Variants in DAB2IP observed in about 807,000 individuals in gnomAD.
DAB2IP encodes the protein disabled homolog 2-interacting protein.
DAB2IP carries 28 observed loss-of-function variants against 107.2 expected under a neutral mutation model. The ratio of observed to expected loss-of-function variants is 0.26; its 90% CI spans 0.19 to 0.36. The LOEUF is 0.36. DAB2IP is among the 10% of genes least tolerant of loss of function. The probability of loss-of-function intolerance (pLI) is 1.00; values close to 1 mark genes in which losing one functional copy is unlikely to be tolerated. For missense variants in DAB2IP, 1,400 were observed against 1,644.7 expected (o/e 0.85, Z 2.57); for synonymous variants, 755 against 706.4 (o/e 1.07, Z -1.09).
chr9:121,608,902 C>T, intron 1 of DAB2IP, among the ~76,000 whole-genome samples: 1 of 152,162 alleles, frequency 6.6e-6, no homozygotes, highest in East Asian at 1.9e-4. Flanking sequence ...AAGTCTGTAA[C>T]TAGGTTTCTC....
chr9:121,675,359 A>T (rs747221068), intron 1 of DAB2IP, among the ~76,000 whole-genome samples: 12 of 152,186 alleles, frequency 7.9e-5, no homozygotes, highest in Non-Finnish European at 1.5e-4. Context: ...CAAGAACAGA[A>T]GCCAGAGAGT....
exon 16 of DAB2IP, chr9:121,783,762 C>G (rs1298153976): frequency 7.8e-6 from 5 of 643,978 alleles, no homozygotes; most frequent in Non-Finnish European, 1.3e-5. Context: ...GAGGGGCGCA[C>G]CCCACAGCTG....
rs147728597 is a variant in DAB2IP, at chr9:121,701,999, G to A, written c.362+2541G>A. Among the ~76,000 whole-genome samples the A allele has an allele frequency of 2.6e-5, 4 of 152,330 alleles. No individual in the cohort carries two copies. Among genetic ancestry groups the A allele is most frequent in the Non-Finnish European group, 4.4e-5 (3 of 68,026 alleles). On this transcript the variant is annotated intron_variant, in intron 3 of 15. Transcript: ENST00000408936. The surrounding 1 kb of genome is among the most constrained non-coding windows in gnomAD (Gnocchi z 4.7). ...GCCTCAGTGAGTGGGTGGGACACGA[G>A]TGGGAAGGACGGTGGGGGCTTCTAG...
rs1333811342 is a variant in DAB2IP at position 121,766,346 on chromosome 9, G to C, written c.1461-148G>C. 6 of 702,016 alleles carry C rather than the reference G, an allele frequency of 8.5e-6. No individual in the cohort carries two copies. In the African/African-American group the frequency reaches 1.1e-4, roughly 12 times the overall value. The allele number at this position is 702,016 out of a possible 1,614,324, so 43.5% of individuals were successfully genotyped here. A position where few individuals can be genotyped will look rare whatever the true frequency, so the allele number is the denominator to read the frequency against. On this transcript the variant is annotated intron_variant, in intron 8 of 15. Transcript: ENST00000408936. ...CCTGTATTGACTGCTCTCCCCAGAT[G>C]GCTGTGTCCTCAGAGCTCAGACAGC...
At chr9:121,751,580 A>AC (rs1423916446) in intron 3 of DAB2IP, 1 of 152,338 alleles carries the variant, frequency 6.6e-6, no homozygotes, top group Non-Finnish European at 1.5e-5. Context: ...TTGGACATGG[A>AC]CCCCTGGAGG....
intron 11 of DAB2IP, 80 bp downstream of exon 11, chr9:121,770,804 A>C: frequency 6.5e-7 from 1 of 1,538,176 alleles, no homozygotes; most frequent in Non-Finnish European, 8.8e-7. Flanking sequence ...CAGATGGGGA[A>C]AGAGGATGCC....
chr9:121,641,995 T>TCTCTCTCTCTCTCTCTCTC (rs1832337279), intron 1 of DAB2IP, among the ~76,000 whole-genome samples: 1 of 34,984 alleles, frequency 2.9e-5, no homozygotes. Context: ...TTTCTTTCCT[T>TCTCTCTCTCTCTCTCTCTC]TCTCTCTCTC....
chr9:121,709,583 A>AC, intron 3 of DAB2IP, among the ~76,000 whole-genome samples: 1 of 152,300 alleles, frequency 6.6e-6, no homozygotes, highest in South Asian at 2.1e-4. Context: ...GCTGGGTTTC[A>AC]AACCCAGGCG....
chr9:121,782,593 C>G lies in DAB2IP; in HGVS notation c.*95C>G, dbSNP rs1367846912. 5.2e-6 allele frequency: 8 copies of G among 1,544,964 alleles called. No homozygotes were observed. In the East Asian group the frequency reaches 1.8e-4, roughly 35 times the overall value. On this transcript the variant is annotated 3_prime_UTR_variant, in exon 16 of 16. Transcript: ENST00000408936. This position sits in a 1 kb window ranked among gnomAD's most constrained non-coding sequence, Gnocchi z 6.1. Reference sequence around the variant, plus strand: ...TGGGGAGGCACCCACGGTTGCAGCCCCAGCGCGGGTGTCAGGAGGCCGAGC... The same window carrying G: ...TGGGGAGGCACCCACGGTTGCAGCCGCAGCGCGGGTGTCAGGAGGCCGAGC...
Position 121,698,316 on chromosome 9 carries a change from G to A in DAB2IP, c.229-1009G>A, listed in dbSNP as rs933611645. 7.9e-5 allele frequency among the ~76,000 whole-genome samples: 12 copies of A among 152,058 alleles called. No individual in the cohort carries two copies. The highest frequency in any genetic ancestry group is 1.8e-4 in the Non-Finnish European group (12 of 68,020). Reference sequence around the variant, plus strand: ...CCAAGCCCGGCAGGACACAGGCTGTGTCCCCTGGGGCCCCCACATCTATCC... The same window carrying A: ...CCAAGCCCGGCAGGACACAGGCTGTATCCCCTGGGGCCCCCACATCTATCC... On this transcript the variant is annotated intron_variant, in intron 2 of 15. Transcript: ENST00000408936. The surrounding 1 kb of genome is among the most constrained non-coding windows in gnomAD (Gnocchi z 4.1).
At chr9:121,644,205 AGAAGAG>A (rs141312941) in intron 1 of DAB2IP, among the ~76,000 whole-genome samples, 3 of 149,596 alleles carry the variant, frequency 2.0e-5, no homozygotes, top group African/African-American at 7.4e-5. Context: ...AAGAAGAGGA[AGAAGAG>A]GAAGAGGAAG....
At chr9:121,766,288 T>A (rs1479711404) in intron 8 of DAB2IP, among the ~76,000 whole-genome samples, 1 of 152,162 alleles carries the variant, frequency 6.6e-6, no homozygotes, top group Non-Finnish European at 1.5e-5. Context: ...GTCTCCCTGC[T>A]CCTCCTCCTG....
intron 1 of DAB2IP, among the ~76,000 whole-genome samples, chr9:121,677,693 A>G (rs1390820445): frequency 6.6e-6 from 1 of 151,668 alleles, no homozygotes; most frequent in South Asian, 2.1e-4. Flanking sequence ...ACAGAGTCTC[A>G]CTCTGCTGCC....
intron 3 of DAB2IP, among the ~76,000 whole-genome samples, chr9:121,730,377 C>T (rs115064429): frequency 3.3e-5 from 5 of 152,322 alleles, no homozygotes; most frequent in East Asian, 1.9e-4. Flanking sequence ...CATCACCCGC[C>T]GGGTCTGTTG....
At chr9:121,623,085 AG>A (rs1425082159) in intron 1 of DAB2IP, among the ~76,000 whole-genome samples, 1 of 152,170 alleles carries the variant, frequency 6.6e-6, no homozygotes, top group Non-Finnish European at 1.5e-5. Flanking sequence ...TGCTTACTTA[AG>A]AGAGCAATTT....
chr9:121,598,906 T>C (rs774606546), intron 1 of DAB2IP, among the ~76,000 whole-genome samples: 10 of 152,174 alleles, frequency 6.6e-5, no homozygotes, highest in Non-Finnish European at 1.0e-4. Context: ...GCTTTAATAT[T>C]CAGTCACGCT....
intron 1 of DAB2IP, among the ~76,000 whole-genome samples, chr9:121,671,195 G>C (rs1833667285): frequency 6.6e-6 from 1 of 152,038 alleles, no homozygotes; most frequent in Admixed American, 6.6e-5. Flanking sequence ...AATTAGCCGG[G>C]CATGGTGGTG....
At chr9:121,650,007 GTTTT>G (rs998017083), upstream of DAB2IP, among the ~76,000 whole-genome samples, 2 of 152,148 alleles carry the variant, frequency 1.3e-5, no homozygotes, top group African/African-American at 4.8e-5. Context: ...TGTGTGTGTG[GTTTT>G]TTTGTTTGTT....
chr9:121,583,016 C>T lies in DAB2IP; in HGVS notation c.40+15788C>T, dbSNP rs7873694. Among the ~76,000 whole-genome samples, 861 of 152,298 alleles carry T rather than the reference C, an allele frequency of 5.7e-3. 6 individuals carry two copies. The highest frequency in any genetic ancestry group is 0.017 in the African/African-American group (697 of 41,564). ...CAGAAAGCTTGAGACCAGTAACCAGCGAGCATTTGTTGAAAGAAGGAGAAG... is the reference window on the plus strand; with the variant it reads ...CAGAAAGCTTGAGACCAGTAACCAGTGAGCATTTGTTGAAAGAAGGAGAAG... On this transcript the variant is annotated intron_variant, in intron 1 of 16. Coordinates refer to the DAB2IP transcript ENST00000259371.
Sources: gnomAD v4.1 joint callset for allele counts (sites outside exome capture counted in the v4.1 genomes callset) on GRCh38, gnomAD v4.1.1 for gene constraint, Gnocchi (gnomAD v3.1) non-coding constraint, MANE v1.5 for transcripts, NCBI Gene and HGNC (gene_info 2026-07-23, HGNC 2026-07-21) for gene names.